Variants in TTC29 observed in about 807,000 individuals in gnomAD.
TTC29 encodes tetratricopeptide repeat domain 29, also known as tetratricopeptide repeat protein 29.
TTC29 carries 49 observed loss-of-function variants against 58.1 expected under a neutral mutation model. The ratio of observed to expected loss-of-function variants is 0.84; its 90% CI spans 0.67 to 1.07. The LOEUF is 1.07. Ranked by LOEUF, TTC29 falls within the 50% of genes least tolerant of loss-of-function variation. TTC29 has a pLI of 0.00. For synonymous variants in TTC29, 209 were observed against 196.8 expected (o/e 1.06, Z -0.52); for missense variants, 582 against 555.6 (o/e 1.05, Z -0.48).
At chr4:146,754,854 C>A (rs1263187680) in intron 11 of TTC29, among the ~76,000 whole-genome samples, 7 of 151,352 alleles carry the variant, frequency 4.6e-5, no homozygotes, top group Admixed American at 4.6e-4. Context: ...GGCAAGATGC[C>A]CATTGTTACC....
At chr4:146,923,076 A>T (rs1044552538) in intron 4 of TTC29, among the ~76,000 whole-genome samples, 1 of 151,786 alleles carries the variant, frequency 6.6e-6, no homozygotes, top group African/African-American at 2.4e-5. Flanking sequence ...ACGGATAAAA[A>T]ATTATTTAGT....
intron 4 of TTC29, chr4:146,934,012 G>C (rs1423685181): frequency 6.6e-6 from 1 of 152,318 alleles, no homozygotes; most frequent in African/African-American, 2.4e-5. Context: ...ATTGGGAGTA[G>C]AGAGTGGTGG....
chr4:146,726,504 T>A (rs1312042569), intron 11 of TTC29, among the ~76,000 whole-genome samples: 1 of 152,166 alleles, frequency 6.6e-6, no homozygotes, highest in Non-Finnish European at 1.5e-5. Flanking sequence ...TACTCAGTTA[T>A]GTCTTACTCA....
At position 146,757,727 on chromosome 4, in the gene TTC29, T is replaced by C. The variant is rs866194931; in HGVS notation, c.1330+45730A>G. Among the ~76,000 whole-genome samples the C allele has an allele frequency of 2.0e-5, 3 of 152,014 alleles. No individual in the cohort carries two copies. In the South Asian group the frequency reaches 6.2e-4, roughly 31 times the overall value. On this transcript the variant is annotated intron_variant, in intron 11 of 12. Coordinates refer to ENST00000325106, the MANE Select transcript of TTC29 (RefSeq NM_031956.4). ...GTATCCAGCGAAACTAAGCATCATA[T>C]ATGAAGGAAAGATACAGTCTTTTTC... is the stretch of plus-strand genomic sequence containing the variant.
chr4:146,844,478 A>T (rs1729040465), intron 8 of TTC29, among the ~76,000 whole-genome samples: 1 of 152,212 alleles, frequency 6.6e-6, no homozygotes, highest in South Asian at 2.1e-4. Flanking sequence ...GTCCAATCAC[A>T]GTGTGAGTTA....
chr4:146,942,741 T>A, intron 2 of TTC29: 6 of 840,958 alleles, frequency 7.1e-6, no homozygotes, highest in Non-Finnish European at 1.1e-5. Flanking sequence ...ATTTGGGGCA[T>A]TCCATCCTCT....
intron 11 of TTC29, among the ~76,000 whole-genome samples, chr4:146,728,860 C>CATACATATGTATATATATACGT (rs1744100933): frequency 1.6e-5 from 1 of 62,024 alleles, no homozygotes; most frequent in South Asian, 7.1e-4. Context: ...TATATATACA[C>CATACATATGTATATATATACGT]ATATATATGT....
intron 10 of TTC29, among the ~76,000 whole-genome samples, chr4:146,814,274 T>G (rs948566474): frequency 6.6e-6 from 1 of 152,018 alleles, no homozygotes; most frequent in African/African-American, 2.4e-5. Flanking sequence ...CATGGATAAT[T>G]CAAATACAGT....
rs1289499459 is a variant in TTC29 at position 146,833,863 on chromosome 4, A to AGGTCTGT, written c.913_919dup (p.Leu307HisfsTer5). ...TCTCCCCAGACTGAGATCATCATCC[A>AGGTCTGT]GGTCTGTGGAGATTTTACAGTAAGT... is the stretch of plus-strand genomic sequence containing the variant. On this transcript the variant is annotated frameshift_variant, in exon 9 of 13. Transcript: ENST00000325106. LOFTEE classifies it high-confidence loss of function. 4 of 1,613,080 alleles carry AGGTCTGT rather than the reference A, an allele frequency of 2.5e-6. No homozygotes were observed. Among genetic ancestry groups the AGGTCTGT allele is most frequent in the Non-Finnish European group, 3.4e-6 (4 of 1,179,430 alleles).
At chr4:146,829,250 G>A (rs1191136719) in intron 9 of TTC29, among the ~76,000 whole-genome samples, 4 of 152,310 alleles carry the variant, frequency 2.6e-5, no homozygotes, top group East Asian at 1.9e-4. Flanking sequence ...AAACAGGACC[G>A]TTAACACCCA....
chr4:146,899,113 T>C (rs1000152336), intron 6 of TTC29, among the ~76,000 whole-genome samples: 1 of 152,216 alleles, frequency 6.6e-6, no homozygotes, highest in Non-Finnish European at 1.5e-5. Flanking sequence ...ACTGCAAGGC[T>C]TGGACCCCAG....
intron 11 of TTC29, among the ~76,000 whole-genome samples, chr4:146,769,022 A>G (rs1032851832): frequency 6.6e-6 from 1 of 152,006 alleles, no homozygotes; most frequent in Non-Finnish European, 1.5e-5. Flanking sequence ...TACTATATCA[A>G]TCAGCATTGG....
chr4:146,840,664 T>G (rs1728797952), intron 8 of TTC29, among the ~76,000 whole-genome samples: 1 of 152,070 alleles, frequency 6.6e-6, no homozygotes, highest in African/African-American at 2.4e-5. Context: ...TACGTTGTAT[T>G]TGGGCAACGG....
intron 11 of TTC29, among the ~76,000 whole-genome samples, chr4:146,728,860 C>CATATATATGTATATATACGT (rs1554006144): frequency 1.6e-5 from 1 of 62,020 alleles, no homozygotes. Context: ...TATATATACA[C>CATATATATGTATATATACGT]ATATATATGT....
chr4:146,817,099 A>G (rs1751460905), intron 10 of TTC29, among the ~76,000 whole-genome samples: 2 of 152,350 alleles, frequency 1.3e-5, no homozygotes, highest in Middle Eastern at 3.4e-3. Flanking sequence ...AGGCAGGAGA[A>G]GGAAATAAAG....
At chr4:146,813,740 TTGGGA>T (rs760865578) in intron 10 of TTC29, among the ~76,000 whole-genome samples, 3 of 152,234 alleles carry the variant, frequency 2.0e-5, no homozygotes, top group Non-Finnish European at 4.4e-5. Context: ...AGCCAGCACT[TTGGGA>T]GGCCGAGGAG....
At chr4:146,824,395 G>T (rs1004688852) in intron 9 of TTC29, among the ~76,000 whole-genome samples, 2 of 152,058 alleles carry the variant, frequency 1.3e-5, no homozygotes, top group Non-Finnish European at 2.9e-5. Flanking sequence ...TTCATGTGAT[G>T]GGTTACATTT....
At chr4:146,754,251 C>T (rs1193239080) in intron 11 of TTC29, among the ~76,000 whole-genome samples, 1 of 151,610 alleles carries the variant, frequency 6.6e-6, no homozygotes, top group Non-Finnish European at 1.5e-5. Context: ...GGATAAATTG[C>T]TAGAAAAATA....
chr4:146,861,743 T>G (rs1402321494), intron 8 of TTC29, among the ~76,000 whole-genome samples: 1 of 152,074 alleles, frequency 6.6e-6, no homozygotes, highest in Non-Finnish European at 1.5e-5. Flanking sequence ...AGAACTATTA[T>G]TGATTGGGAA....
Sources: gnomAD v4.1 joint callset for allele counts (sites outside exome capture counted in the v4.1 genomes callset) on GRCh38, gnomAD v4.1.1 for gene constraint, MANE v1.5 for transcripts, NCBI Gene and HGNC (gene_info 2026-07-23, HGNC 2026-07-21) for gene names.